GLT6D1: variants seen among roughly 807,000 people sequenced by gnomAD.
GLT6D1 encodes the protein glycosyltransferase 6 domain containing 1, also known as putative glycosyltransferase 6 domain-containing protein 1.
GLT6D1 carries 9 observed loss-of-function variants against 12.3 expected under a neutral mutation model. That is an observed-to-expected ratio of 0.73 (90% confidence interval 0.44 to 1.27). The LOEUF (loss-of-function observed/expected upper bound fraction) is 1.27. Among genes scored for constraint, GLT6D1 ranks in the 50% most tolerant of loss-of-function variants. GLT6D1 has a pLI of 0.00. For missense variants in GLT6D1, 335 were observed against 346.2 expected (o/e 0.97, Z 0.26); for synonymous variants, 128 against 132.3 (o/e 0.97, Z 0.23).
Position 135,624,312 on chromosome 9 carries a change from A to T in GLT6D1, c.616T>A (p.Phe206Ile). 1 of 1,609,300 alleles carries T rather than the reference A, an allele frequency of 6.2e-7. No individual in the cohort carries two copies. The highest frequency in any genetic ancestry group is 1.1e-5 in the South Asian group (1 of 90,480). Residue 206 changes from phenylalanine to isoleucine, a missense_variant, in exon 5 of 5, where the codon TTC becomes ATC. By Grantham distance (21) the Phe-to-Ile change is conservative. Coordinates refer to ENST00000371763, the MANE Select transcript of GLT6D1 (RefSeq NM_182974.3). ...AWWYFRNTKNFPYERRPTSAA... is the reference protein window; with the variant it reads ...AWWYFRNTKNIPYERRPTSAA... Reference sequence around the variant, plus strand: ...GAGGTCGGCCTCCTCTCATAAGGGAAGTTCTTGGTGTTTCTGAAATACCAC... The same window carrying T: ...GAGGTCGGCCTCCTCTCATAAGGGATGTTCTTGGTGTTTCTGAAATACCAC...
At chr9:135,635,824 G>A (rs193087032) in intron 2 of GLT6D1, among the ~76,000 whole-genome samples, 1 of 152,230 alleles carries the variant, frequency 6.6e-6, no homozygotes, top group Non-Finnish European at 1.5e-5. Flanking sequence ...GAGGTCTCCA[G>A]CTTCAATCCA....
At chr9:135,627,878 A>G (rs1833555298) in intron 3 of GLT6D1, among the ~76,000 whole-genome samples, 1 of 152,128 alleles carries the variant, frequency 6.6e-6, no homozygotes, top group African/African-American at 2.4e-5. Flanking sequence ...ATCTTTATAC[A>G]TCATAGAGAG....
intron 2 of GLT6D1, among the ~76,000 whole-genome samples, chr9:135,636,137 C>A (rs1238821464): frequency 6.6e-6 from 1 of 152,146 alleles, no homozygotes; most frequent in Non-Finnish European, 1.5e-5. Context: ...GGCGGATCAC[C>A]TGAGGTCAGG....
intron 3 of GLT6D1, among the ~76,000 whole-genome samples, chr9:135,630,356 A>C (rs1239036792): frequency 6.7e-6 from 1 of 150,020 alleles, no homozygotes; most frequent in African/African-American, 2.5e-5. Context: ...CAGTGAGCCG[A>C]GATCACGCCA....
intron 3 of GLT6D1, among the ~76,000 whole-genome samples, chr9:135,628,086 C>T (rs572748782): frequency 1.1e-4 from 16 of 152,156 alleles, no homozygotes; most frequent in Non-Finnish European, 2.1e-4. Flanking sequence ...GGATATTAGG[C>T]CCTTATCAGA....
At position 135,624,540 on chromosome 9, in the gene GLT6D1, G is replaced by T. The variant is rs771898457; in HGVS notation, c.388C>A (p.Arg130=). Residue 130 remains arginine (R), a synonymous_variant, in exon 5 of 5, where the codon CGA becomes AGA. Coordinates refer to ENST00000371763, the MANE Select transcript of GLT6D1 (RefSeq NM_182974.3). The stretch of plus-strand genomic sequence containing the variant: ...CCCACTTTAAATGCTTTGAACGTTC[G>T]AAGAGGACTGGGCTCTATGTCAGGC... ...KLPDIEPSPL[R]TFKAFKVGTE... 6.2e-7 allele frequency: 1 copy of T among 1,613,930 alleles called. No homozygotes were observed. The highest frequency in any genetic ancestry group is 1.1e-5 in the South Asian group (1 of 91,066).
chr9:135,639,768 T>C (rs1310577090), upstream of GLT6D1, among the ~76,000 whole-genome samples: 1 of 152,102 alleles, frequency 6.6e-6, no homozygotes. Context: ...GGATTTGGTT[T>C]ACAAGCCCAT....
chr9:135,640,905 A>G (rs1306231624), upstream of GLT6D1, among the ~76,000 whole-genome samples: 3 of 152,118 alleles, frequency 2.0e-5, no homozygotes, highest in Non-Finnish European at 4.4e-5. Flanking sequence ...GGATGGGGTA[A>G]GACAGGCCCA....
intron 2 of GLT6D1, among the ~76,000 whole-genome samples, chr9:135,635,279 TC>T (rs1205879276): frequency 1.3e-5 from 2 of 152,202 alleles, no homozygotes; most frequent in African/African-American, 4.8e-5. Flanking sequence ...AGCTCCCATG[TC>T]CCATTTAAGT....
chr9:135,624,698 T>A (rs1268998062), intron 4 of GLT6D1, 28 bp from the exon 5 acceptor site: 1 of 1,276,044 alleles, frequency 7.8e-7, no homozygotes, highest in East Asian at 2.7e-5. Context: ...GGGAAGAAAC[T>A]TACTTTTCTC....
intron 1 of GLT6D1, 40 bp downstream of exon 1, chr9:135,639,253 C>T: frequency 1.1e-6 from 1 of 952,022 alleles, no homozygotes. Context: ...TATTTGTCAT[C>T]ATCTAACAAT....
chr9:135,632,208 C>T (rs1361175239), intron 2 of GLT6D1, among the ~76,000 whole-genome samples: 1 of 149,904 alleles, frequency 6.7e-6, no homozygotes, highest in Non-Finnish European at 1.5e-5. Flanking sequence ...TCACAATTCA[C>T]TGCAGTCTCA....
rs774771920 is a variant in GLT6D1 at position 135,624,079 on chromosome 9, G to C, written c.*18C>G. On this transcript the variant is annotated 3_prime_UTR_variant, in exon 5 of 5. Coordinates refer to ENST00000371763, the MANE Select transcript of GLT6D1 (RefSeq NM_182974.3). ...GAGGAGAAAATGCAAGATCCCAGCT[G>C]TATGCTGGTGATAACAGCTAGGTGG... The C allele has an allele frequency of 1.7e-5, 26 of 1,523,074 alleles. No individual in the cohort carries two copies. The highest frequency in any genetic ancestry group is 2.3e-5 in the Non-Finnish European group (25 of 1,103,476). 94.3% of individuals were successfully genotyped at this position (1,523,074 alleles called of 1,614,324 possible).
At chr9:135,639,082 C>T (rs377204934) in intron 2 of GLT6D1, 35 bp downstream of exon 2, 3 of 1,175,828 alleles carry the variant, frequency 2.6e-6, no homozygotes, top group Non-Finnish European at 3.8e-6. Context: ...CTGCCAATCA[C>T]TAAAGATCAT....
chr9:135,628,158 C>G (rs1833559804), intron 3 of GLT6D1, among the ~76,000 whole-genome samples: 1 of 151,868 alleles, frequency 6.6e-6, no homozygotes, highest in Non-Finnish European at 1.5e-5. Context: ...TTGATAATGT[C>G]CTTTGATTCA....
In GLT6D1 at chr9:135,639,208, A is replaced by C; in HGVS notation, c.-6-15T>G. ...TTCATTCTCTCCTAGGGAAAGAAGGAGAAAAAATTAGATTTTAAGCAATAA... is the reference window on the plus strand; with the variant it reads ...TTCATTCTCTCCTAGGGAAAGAAGGCGAAAAAATTAGATTTTAAGCAATAA... On this transcript the variant is annotated splice_polypyrimidine_tract_variant and intron_variant, in intron 1 of 4. Coordinates refer to ENST00000371763, the MANE Select transcript of GLT6D1 (RefSeq NM_182974.3). 1 of 1,350,238 alleles carries C rather than the reference A, an allele frequency of 7.4e-7. No homozygotes were observed. The highest frequency in any genetic ancestry group is 1.1e-6 in the Non-Finnish European group (1 of 951,922). 83.6% of individuals were successfully genotyped at this position (1,350,238 alleles called of 1,614,324 possible).
At chr9:135,638,148 G>A (rs901958510) in intron 2 of GLT6D1, among the ~76,000 whole-genome samples, 3 of 152,168 alleles carry the variant, frequency 2.0e-5, no homozygotes, top group Admixed American at 1.3e-4. Context: ...GCAGCGGCAA[G>A]AGAAAATGAG....
chr9:135,632,682 TTTC>T (rs1295681917), intron 2 of GLT6D1, among the ~76,000 whole-genome samples: 1 of 151,742 alleles, frequency 6.6e-6, no homozygotes. Context: ...TTTTTTTTTT[TTTC>T]GAGACAGAGT....
In GLT6D1 at chr9:135,639,281, T is replaced by C. The variant is rs77273125; in HGVS notation, c.-7+12A>G. On this transcript the variant is annotated intron_variant, in intron 1 of 4. Transcript: ENST00000371763. ...CTAACAATGGGTTAATGTATGGGCA[T>C]TGGACACCAACCTTAGAGGTTGCTT... The C allele has an allele frequency of 1.4e-3, 993 of 687,632 alleles. 9 individuals carry two copies. The African/African-American group carries it at 0.016, about 11-fold the overall frequency. The allele number at this position is 687,632 out of a possible 1,614,324, so 42.6% of individuals were successfully genotyped here.
Sources: allele counts gnomAD v4.1 joint callset (sites outside exome capture counted in the v4.1 genomes callset), GRCh38; gene constraint gnomAD v4.1.1; transcripts MANE v1.5; gene names NCBI Gene and HGNC (gene_info 2026-07-23, HGNC 2026-07-21).